Variants in ABCA1 observed in about 807,000 individuals in gnomAD.
ABCA1 encodes ATP binding cassette subfamily A member 1, also known as phospholipid-transporting ATPase ABCA1.
Under a neutral mutation model 262.5 loss-of-function variants are expected in ABCA1, and 133 were observed. That is an observed-to-expected ratio of 0.51 (90% CI 0.44 to 0.59). The LOEUF (loss-of-function observed/expected upper bound fraction) is 0.59, where lower values mean the gene tolerates loss of function less well. Ranked by LOEUF, ABCA1 falls within the 20% of genes least tolerant of loss-of-function variation. ABCA1 has a pLI of 0.00. For missense variants in ABCA1, 2,452 were observed against 2,777.5 expected, an observed-to-expected ratio of 0.88 and a Z score of 2.63; for synonymous variants, 1,022 against 1,043.5, an observed-to-expected ratio of 0.98 and a Z score of 0.40.
chr9:104,858,690 C>A lies in ABCA1; in HGVS notation c.552G>T (p.Leu184Phe). 6.2e-7 allele frequency: 1 copy of A among 1,614,048 alleles called. No homozygotes were observed. Among genetic ancestry groups the A allele is most frequent in the Non-Finnish European group, 8.5e-7 (1 of 1,180,008 alleles). The change falls in exon 7 of 50, where the codon TTG becomes TTT. Residue 184 changes from leucine (L) to phenylalanine (F), a missense_variant. Physicochemically the swap from Leu to Phe is conservative, Grantham distance 22. This residue lies in a region of ABCA1 where 1,032 missense variants were observed against 1,089.7 expected (regional missense o/e 0.95). Transcript: ENST00000374736. ...RADVILHKVF[L>F]QGYQLHLTSL... is the part of the protein sequence containing the mutation. The stretch of plus-strand genomic sequence containing the variant: ...TTGTCAAATGTAACTGGTAGCCTTG[C>A]AAAAATACCTGGAAGCATTTCATGC...
chr9:104,871,825 T>G (rs1289738851), intron 5 of ABCA1, among the ~76,000 whole-genome samples: 3 of 151,970 alleles, frequency 2.0e-5, no homozygotes, highest in African/African-American at 7.3e-5. Flanking sequence ...AAAAGAGAGT[T>G]TGAGGCATTC....
intron 8 of ABCA1, 120 bp from the exon 9 acceptor site, chr9:104,840,639 C>T: frequency 9.4e-7 from 1 of 1,067,222 alleles, no homozygotes; most frequent in Non-Finnish European, 1.3e-6. Context: ...AAGCCATGTC[C>T]CAGAACATAT....
intron 5 of ABCA1, among the ~76,000 whole-genome samples, chr9:104,875,912 C>T (rs1282331838): frequency 1.3e-5 from 2 of 152,192 alleles, no homozygotes; most frequent in East Asian, 3.8e-4. Context: ...CATCCCTACC[C>T]GTTCTAGGCA....
At chr9:104,824,393 C>G in intron 18 of ABCA1, 72 bp downstream of exon 18, 1 of 1,603,638 alleles carries the variant, frequency 6.2e-7, no homozygotes, top group Non-Finnish European at 8.5e-7. Flanking sequence ...CAGGAGACAT[C>G]GCTTGCCCCC....
intron 5 of ABCA1, among the ~76,000 whole-genome samples, chr9:104,862,865 C>T (rs1831553): frequency 0.06 from 8,989 of 149,440 alleles, 463 homozygotes; most frequent in East Asian, 0.3. Flanking sequence ...GAGTGCATTA[C>T]GCATATCAAA....
intron 9 of ABCA1, 150 bp from the exon 10 acceptor site, chr9:104,837,717 G>T (rs952147056): frequency 6.3e-5 from 58 of 922,168 alleles, no homozygotes; most frequent in Admixed American, 6.5e-5. Context: ...GCCTCAGTTG[G>T]CTCCTCTGTA....
chr9:104,858,402 T>C, intron 7 of ABCA1, 120 bp downstream of exon 7: 2 of 1,101,688 alleles, frequency 1.8e-6, no homozygotes, highest in South Asian at 1.2e-5. Context: ...AACTAAATTA[T>C]ATCACAAACT....
intron 5 of ABCA1, among the ~76,000 whole-genome samples, chr9:104,871,215 A>C (rs2119138684): frequency 6.6e-6 from 1 of 152,290 alleles, no homozygotes; most frequent in South Asian, 2.1e-4. Context: ...AGAAGCAGAG[A>C]GCAGCCCTCA....
intron 30 of ABCA1, among the ~76,000 whole-genome samples, chr9:104,808,386 C>T (rs1830982287): frequency 6.6e-6 from 1 of 151,900 alleles, no homozygotes. Flanking sequence ...ATATTATCAT[C>T]TCATCTCATG....
At chr9:104,859,505 C>T (rs1293235803) in intron 6 of ABCA1, among the ~76,000 whole-genome samples, 1 of 151,862 alleles carries the variant, frequency 6.6e-6, no homozygotes, top group Non-Finnish European at 1.5e-5. Context: ...CTTTATTACA[C>T]CATTACTAAC....
rs116662762 is a variant in ABCA1, at chr9:104,891,577, G to A, written c.67-2382C>T. On this transcript the variant is annotated intron_variant, in intron 2 of 49. Coordinates refer to ENST00000374736, the MANE Select transcript of ABCA1 (RefSeq NM_005502.4). ...CAGAAGGCCTAGGTTGCAGTGAGCC[G>A]AGATCACTGCATGATCACGCCACTG... Among the ~76,000 whole-genome samples, 567 of 152,150 alleles carry A rather than the reference G, an allele frequency of 3.7e-3. 3 individuals are homozygous for A. Among genetic ancestry groups the A allele is most frequent in the African/African-American group, 0.013 (546 of 41,522 alleles).
intron 20 of ABCA1, among the ~76,000 whole-genome samples, chr9:104,821,158 G>A (rs1326564390): frequency 6.6e-5 from 10 of 152,148 alleles, no homozygotes; most frequent in Admixed American, 3.9e-4. Flanking sequence ...CAGGAGAATC[G>A]CTTGAACCTG....
intron 23 of ABCA1, among the ~76,000 whole-genome samples, chr9:104,818,422 T>A (rs146111317): frequency 2.6e-4 from 40 of 152,326 alleles, no homozygotes; most frequent in Non-Finnish European, 4.7e-4. Context: ...AAGGACCTTC[T>A]CCATCACTCT....
At chr9:104,853,514 G>A (rs1835561899) in intron 7 of ABCA1, among the ~76,000 whole-genome samples, 1 of 152,166 alleles carries the variant, frequency 6.6e-6, no homozygotes, top group African/African-American at 2.4e-5. Flanking sequence ...CCTTCAGCCT[G>A]GATCTCAATG....
chr9:104,871,374 G>C (rs1014553846), intron 5 of ABCA1, among the ~76,000 whole-genome samples: 1 of 152,190 alleles, frequency 6.6e-6, no homozygotes, highest in Non-Finnish European at 1.5e-5. Context: ...ATGTCTTACT[G>C]AGAAGAGGGA....
chr9:104,795,512 G>A (rs563026956), intron 39 of ABCA1, among the ~76,000 whole-genome samples: 8 of 152,322 alleles, frequency 5.3e-5, no homozygotes, highest in African/African-American at 1.7e-4. Context: ...CCGAGTGGAT[G>A]GTAGTGCCAC....
At chr9:104,793,323 C>G (rs1380024435) in intron 40 of ABCA1, 23 bp from the exon 41 acceptor site, 1 of 1,614,042 alleles carries the variant, frequency 6.2e-7, no homozygotes, top group South Asian at 1.1e-5. Context: ...ATGCAGAGAT[C>G]CGGTCAGAAT....
intron 7 of ABCA1, among the ~76,000 whole-genome samples, chr9:104,850,378 T>C (rs1835271801): frequency 6.6e-6 from 1 of 152,196 alleles, no homozygotes; most frequent in African/African-American, 2.4e-5. Flanking sequence ...TGCCTCAGAC[T>C]CCCAAAGTGC....
intron 5 of ABCA1, among the ~76,000 whole-genome samples, chr9:104,873,996 C>T (rs1164535381): frequency 6.6e-6 from 1 of 152,172 alleles, no homozygotes; most frequent in Non-Finnish European, 1.5e-5. Flanking sequence ...TGTTAATTTT[C>T]TACCCACTTC....
Sources: allele counts gnomAD v4.1 joint callset (sites outside exome capture counted in the v4.1 genomes callset), GRCh38; gene constraint gnomAD v4.1.1; regional missense constraint gnomAD v4.1.1; transcripts MANE v1.5; gene names NCBI Gene and HGNC (gene_info 2026-07-23, HGNC 2026-07-21).